PIK3R6: variants seen among roughly 807,000 people sequenced by gnomAD.
The protein encoded by PIK3R6 is phosphoinositide 3-kinase regulatory subunit 6.
In PIK3R6, 91 loss-of-function variants were observed where a neutral mutation model predicts 84.9. The ratio of observed to expected loss-of-function variants is 1.07; its 90% confidence interval spans 0.90 to 1.28. The LOEUF is 1.28. Ranked by LOEUF, PIK3R6 falls within the 50% of genes most tolerant of loss-of-function variation. The pLI, the probability that PIK3R6 is intolerant of heterozygous loss-of-function variation, is 0.00. For synonymous variants in PIK3R6, 416 were observed against 411.4 expected (o/e 1.01, Z -0.13); for missense variants, 996 against 985.1 (o/e 1.01, Z -0.15).
intron 1 of PIK3R6, among the ~76,000 whole-genome samples, chr17:8,863,684 A>G (rs949025828): frequency 6.6e-6 from 1 of 152,014 alleles, no homozygotes; most frequent in Non-Finnish European, 1.5e-5. Flanking sequence ...ACAGGTGCAC[A>G]CCACCACGCC....
chr17:8,808,424 T>C (rs2087264898), intron 18 of PIK3R6, among the ~76,000 whole-genome samples: 1 of 152,000 alleles, frequency 6.6e-6, no homozygotes, highest in South Asian at 2.1e-4. Context: ...CCATGGATAC[T>C]GAGGAATGAC....
intron 19 of PIK3R6, 24 bp downstream of exon 19, chr17:8,804,017 T>C: frequency 6.3e-7 from 1 of 1,591,764 alleles, no homozygotes; most frequent in Non-Finnish European, 8.6e-7. Flanking sequence ...CCTGGACATC[T>C]AGGGTTGGCA....
rs571643776 is a variant in PIK3R6, at chr17:8,840,972, T to G, written c.14-1275A>C. ...TTTCACCGTGTTAGCTAGGATGGTC[T>G]CAATCTCCTGACCTCGTGATCTGCC... On this transcript the variant is annotated intron_variant, in intron 2 of 19. Transcript: ENST00000619866. 4.3e-3 allele frequency among the ~76,000 whole-genome samples: 649 copies of G among 151,144 alleles called. 8 individuals carry two copies. Among genetic ancestry groups the G allele is most frequent in the African/African-American group, 0.015 (619 of 40,550 alleles).
chr17:8,808,898 G>A (rs1295944876), intron 18 of PIK3R6, among the ~76,000 whole-genome samples: 1 of 152,100 alleles, frequency 6.6e-6, no homozygotes, highest in African/African-American at 2.4e-5. Flanking sequence ...TAGATTTTAG[G>A]GTATTTAAAG....
intron 13 of PIK3R6, among the ~76,000 whole-genome samples, chr17:8,825,586 A>G (rs1044954992): frequency 2.6e-5 from 4 of 152,254 alleles, no homozygotes; most frequent in African/African-American, 7.2e-5. Context: ...TAAAAGTGGC[A>G]TTTCAAATTT....
chr17:8,830,746 C>T (rs541328678), intron 9 of PIK3R6, among the ~76,000 whole-genome samples: 1 of 152,154 alleles, frequency 6.6e-6, no homozygotes, highest in African/African-American at 2.4e-5. Context: ...CAGCTCAGCT[C>T]CAGAGTTCCT....
Position 8,839,712 on chromosome 17 carries a change from G to A in PIK3R6, c.14-15C>T. The A allele has an allele frequency of 6.4e-7, 1 of 1,557,414 alleles. No homozygotes were observed. The highest frequency in any genetic ancestry group is 8.7e-7 in the Non-Finnish European group (1 of 1,149,362). Reference sequence around the variant, plus strand: ...CAGCTCCACATCTGGGCAGTGGTAGGGGTGGGAGGAAACTCAGTCCACTGA... The same window carrying A: ...CAGCTCCACATCTGGGCAGTGGTAGAGGTGGGAGGAAACTCAGTCCACTGA... On this transcript the variant is annotated splice_polypyrimidine_tract_variant and intron_variant, in intron 2 of 19. Transcript: ENST00000619866. This position sits in a 1 kb window ranked among gnomAD's most constrained non-coding sequence, Gnocchi z 4.2.
chr17:8,818,921 G>C (rs778737674), intron 18 of PIK3R6, among the ~76,000 whole-genome samples, 162 bp downstream of exon 18: 2 of 152,196 alleles, frequency 1.3e-5, no homozygotes, highest in Admixed American at 6.5e-5. Context: ...CAGACTGATT[G>C]AAAAGCGGAT....
At chr17:8,821,821 T>C in intron 17 of PIK3R6, 25 bp downstream of exon 17, 1 of 1,562,878 alleles carries the variant, frequency 6.4e-7, no homozygotes, top group Non-Finnish European at 8.7e-7. Flanking sequence ...CTCTCTTTCT[T>C]TGCTCTGCAT....
intron 17 of PIK3R6, among the ~76,000 whole-genome samples, chr17:8,820,606 T>A (rs1386886118): frequency 6.6e-6 from 1 of 152,234 alleles, no homozygotes; most frequent in African/African-American, 2.4e-5. Context: ...GTTAAAGAGC[T>A]GCAGGTAAAG....
chr17:8,858,307 A>C (rs2089190732), intron 1 of PIK3R6, among the ~76,000 whole-genome samples: 1 of 145,654 alleles, frequency 6.9e-6, no homozygotes, highest in African/African-American at 2.5e-5. Context: ...TTTCTCAATT[A>C]ATCTTTTTTT....
chr17:8,807,201 A>G (rs28625468), intron 18 of PIK3R6, among the ~76,000 whole-genome samples: 8,697 of 152,148 alleles, frequency 0.057, 742 homozygotes, highest in African/African-American at 0.18. Context: ...GCCAATCAGA[A>G]CTCTCCTACA....
intron 6 of PIK3R6, 76 bp from the exon 7 acceptor site, chr17:8,836,692 G>GGAGGCTTTT: frequency 1.2e-6 from 2 of 1,612,200 alleles, no homozygotes; most frequent in Non-Finnish European, 1.7e-6. Context: ...CAGAAGGTGT[G>GGAGGCTTTT]GAGGCTTTTG....
At chr17:8,832,742 C>A (rs2088292217) in intron 9 of PIK3R6, 147 bp downstream of exon 9, 16 of 1,245,820 alleles carry the variant, frequency 1.3e-5, no homozygotes, top group Non-Finnish European at 1.8e-5. Context: ...GCCAAACCCC[C>A]AGGCTGCCCC....
intron 1 of PIK3R6, among the ~76,000 whole-genome samples, chr17:8,861,596 G>A (rs1217079395): frequency 6.6e-6 from 1 of 152,234 alleles, no homozygotes; most frequent in Non-Finnish European, 1.5e-5. Flanking sequence ...TGTTCAGTGG[G>A]TGTACACAGT....
At chr17:8,832,621 C>T (rs991033289) in intron 9 of PIK3R6, among the ~76,000 whole-genome samples, 1 of 150,202 alleles carries the variant, frequency 6.7e-6, no homozygotes, top group Non-Finnish European at 1.5e-5. Flanking sequence ...CTAGGCTGGT[C>T]TCGAAACCCT....
rs372643242 is a variant in PIK3R6 at position 8,824,022 on chromosome 17, C to T, written c.1516-525G>A. Among the ~76,000 whole-genome samples, 107 of 152,290 alleles carry T rather than the reference C, an allele frequency of 7.0e-4. 1 individual carries two copies. The South Asian group carries it at 0.012, about 17-fold the overall frequency. ...GGTGGCTCAACACCTGTAATCTCAA[C>T]ACTTTGGGAGGCTGAGGTGGGCGGG... is the stretch of plus-strand genomic sequence containing the variant. On this transcript the variant is annotated intron_variant, in intron 13 of 19. Transcript: ENST00000619866.
chr17:8,841,605 T>C (rs1449503593), intron 2 of PIK3R6, among the ~76,000 whole-genome samples: 7 of 152,220 alleles, frequency 4.6e-5, no homozygotes, highest in African/African-American at 1.2e-4. Flanking sequence ...TGAGACTGCT[T>C]TCTCTTTCCT....
Position 8,829,001 on chromosome 17 carries a change from G to A in PIK3R6, c.890-11C>T, listed in dbSNP as rs763732760. ...GCACCAGTTCCTTCCCTGGGGTGGGGGAACAAGGGCGGTGAGGACACGTGA... is the reference window on the plus strand; with the variant it reads ...GCACCAGTTCCTTCCCTGGGGTGGGAGAACAAGGGCGGTGAGGACACGTGA... On this transcript the variant is annotated splice_polypyrimidine_tract_variant and intron_variant, in intron 10 of 19. Coordinates refer to ENST00000619866, the MANE Select transcript of PIK3R6 (RefSeq NM_001010855.4). The A allele has an allele frequency of 4.0e-6, 6 of 1,494,242 alleles. No homozygotes were observed. The highest frequency in any genetic ancestry group is 5.3e-6 in the Non-Finnish European group (6 of 1,122,528). The allele number at this position is 1,494,242 out of a possible 1,614,324, so 92.6% of individuals were successfully genotyped here.
Sources: gnomAD v4.1 joint callset for allele counts (sites outside exome capture counted in the v4.1 genomes callset) on GRCh38, gnomAD v4.1.1 for gene constraint, Gnocchi (gnomAD v3.1) non-coding constraint, MANE v1.5 for transcripts, NCBI Gene and HGNC (gene_info 2026-07-23, HGNC 2026-07-21) for gene names.